SGCD: variants seen among roughly 807,000 people sequenced by gnomAD.
SGCD encodes the protein sarcoglycan delta.
In SGCD, 18 loss-of-function variants were observed where a neutral mutation model predicts 36.6. The observed-to-expected ratio is 0.49, with a 90% CI of 0.34 to 0.73. The LOEUF (loss-of-function observed/expected upper bound fraction) is 0.73, where lower values mean the gene tolerates loss of function less well. Among genes scored for constraint, SGCD ranks in the 30% least tolerant of loss-of-function variants. The probability of loss-of-function intolerance (pLI) is 0.01; values close to 1 mark genes in which losing one functional copy is unlikely to be tolerated. For missense variants in SGCD, 387 were observed against 346.7 expected (o/e 1.12, Z -0.92); for synonymous variants, 133 against 130.6 (o/e 1.02, Z -0.12).
chr5:156,584,130 A>G (rs886336811), intron 4 of SGCD, among the ~76,000 whole-genome samples: 13 of 152,316 alleles, frequency 8.5e-5, no homozygotes, highest in East Asian at 7.7e-4. Context: ...AAATTTTTCT[A>G]TCTCCCTTAA....
intron 1 of SGCD, among the ~76,000 whole-genome samples, chr5:155,939,960 A>T (rs1381180381): frequency 6.6e-6 from 1 of 151,754 alleles, no homozygotes; most frequent in Non-Finnish European, 1.5e-5. Context: ...CAGCCTCCTA[A>T]GTAGCTGGGA....
chr5:155,887,686 T>G (rs1437217494), intron 1 of SGCD, among the ~76,000 whole-genome samples: 1 of 152,224 alleles, frequency 6.6e-6, no homozygotes, highest in Non-Finnish European at 1.5e-5. Context: ...TGGTATGTGG[T>G]AAACTCTCAG....
intron 3 of SGCD, among the ~76,000 whole-genome samples, chr5:156,371,442 TAAGTC>T (rs1004962730): frequency 4.6e-5 from 7 of 152,122 alleles, no homozygotes; most frequent in African/African-American, 1.4e-4. Flanking sequence ...GAAAAAATTG[TAAGTC>T]TAGTAGTTGA....
chr5:156,009,268 G>T (rs1758811637), intron 1 of SGCD, among the ~76,000 whole-genome samples: 1 of 152,142 alleles, frequency 6.6e-6, no homozygotes, highest in Non-Finnish European at 1.5e-5. Context: ...ATGACCCTTT[G>T]GGTTCCAAAG....
intron 7 of SGCD, among the ~76,000 whole-genome samples, chr5:156,733,635 A>C (rs1756195450): frequency 6.6e-6 from 1 of 152,090 alleles, no homozygotes; most frequent in Non-Finnish European, 1.5e-5. Flanking sequence ...TAGGAGTCTG[A>C]GTCTCTTTGA....
chr5:156,438,914 C>T (rs1356606104), intron 3 of SGCD, among the ~76,000 whole-genome samples: 1 of 152,092 alleles, frequency 6.6e-6, no homozygotes, highest in African/African-American at 2.4e-5. Context: ...GTCTTTTAAT[C>T]AAACAAACCT....
intron 1 of SGCD, among the ~76,000 whole-genome samples, chr5:155,946,113 G>A (rs1305805000): frequency 6.6e-6 from 1 of 152,158 alleles, no homozygotes; most frequent in East Asian, 1.9e-4. Context: ...GTGGCTGGTG[G>A]TGGTCACTGG....
chr5:156,054,242 T>C (rs1759998775), intron 1 of SGCD, among the ~76,000 whole-genome samples: 1 of 144,498 alleles, frequency 6.9e-6, no homozygotes, highest in Non-Finnish European at 1.6e-5. Context: ...AACATCTGGA[T>C]GTTTGGATTC....
At chr5:156,503,838 G>T (rs572333952) in intron 3 of SGCD, among the ~76,000 whole-genome samples, 1 of 152,074 alleles carries the variant, frequency 6.6e-6, no homozygotes, top group South Asian at 2.1e-4. Flanking sequence ...AATCACCAAG[G>T]AAAACTTTAT....
intron 2 of SGCD, among the ~76,000 whole-genome samples, chr5:156,332,568 T>A (rs1561625070): frequency 6.6e-6 from 1 of 152,156 alleles, no homozygotes; most frequent in Admixed American, 6.5e-5. Context: ...CTCTCAAGGG[T>A]GGTGCATATT....
intron 7 of SGCD, among the ~76,000 whole-genome samples, chr5:156,754,513 C>G (rs553495792): frequency 1.3e-5 from 2 of 152,226 alleles, no homozygotes; most frequent in Admixed American, 1.3e-4. Flanking sequence ...GAAATTTAAG[C>G]ATTAACTTCT....
chr5:155,734,351 T>C, the SGCD span, among the ~76,000 whole-genome samples: 1 of 151,856 alleles, frequency 6.6e-6, no homozygotes, highest in Non-Finnish European at 1.5e-5. Flanking sequence ...ATTACAGACA[T>C]GCACCACCAC....
intron 3 of SGCD, among the ~76,000 whole-genome samples, chr5:156,271,272 C>A (rs992704552): frequency 9.9e-5 from 15 of 152,198 alleles, no homozygotes; most frequent in African/African-American, 3.6e-4. Context: ...ATCTTAGATT[C>A]CATGGTCTTT....
intron 7 of SGCD, among the ~76,000 whole-genome samples, chr5:156,681,254 C>G (rs374269093): frequency 1.5e-4 from 23 of 152,168 alleles, no homozygotes; most frequent in African/African-American, 5.1e-4. Flanking sequence ...AGCAGAAAGG[C>G]TGGAAAGGGG....
chr5:156,606,067 A>G lies in SGCD; in HGVS notation c.502+11016A>G, dbSNP rs182216035. 1.8e-3 allele frequency among the ~76,000 whole-genome samples: 281 copies of G among 152,242 alleles called. 1 individual carries two copies. In the East Asian group the frequency reaches 0.042, roughly 23 times the overall value. On this transcript the variant is annotated intron_variant, in intron 6 of 8. Transcript: ENST00000337851. ...TAGCTTAATTAGATCCCATTTGTCAATTTTGGCTTTTGTTGCCATTGCTTT... is the reference window on the plus strand; with the variant it reads ...TAGCTTAATTAGATCCCATTTGTCAGTTTTGGCTTTTGTTGCCATTGCTTT...
intron 3 of SGCD, among the ~76,000 whole-genome samples, chr5:156,483,217 A>C (rs1755515918): frequency 6.6e-6 from 1 of 152,192 alleles, no homozygotes; most frequent in African/African-American, 2.4e-5. Context: ...TAAGAAGGTC[A>C]ATGTGGCTGA....
intron 1 of SGCD, among the ~76,000 whole-genome samples, chr5:155,944,098 C>A (rs1757390910): frequency 1.3e-5 from 2 of 152,158 alleles, no homozygotes; most frequent in Non-Finnish European, 1.5e-5. Context: ...CTGAATGTCT[C>A]CATTTCTTTC....
At chr5:156,495,597 A>G (rs1232319857) in intron 3 of SGCD, among the ~76,000 whole-genome samples, 1 of 152,166 alleles carries the variant, frequency 6.6e-6, no homozygotes, top group Non-Finnish European at 1.5e-5. Context: ...TATTTTTAAT[A>G]TCACTCAGGC....
At chr5:156,412,247 C>T (rs1454719305) in intron 3 of SGCD, among the ~76,000 whole-genome samples, 1 of 152,214 alleles carries the variant, frequency 6.6e-6, no homozygotes, top group African/African-American at 2.4e-5. Context: ...CCTCATCATT[C>T]CCATTCAGGC....
Sources: allele counts gnomAD v4.1 joint callset (sites outside exome capture counted in the v4.1 genomes callset), GRCh38; gene constraint gnomAD v4.1.1; transcripts MANE v1.5; gene names NCBI Gene and HGNC (gene_info 2026-07-23, HGNC 2026-07-21).